NFIL3: variants seen among roughly 807,000 people sequenced by gnomAD.
NFIL3 encodes nuclear factor interleukin-3-regulated protein.
NFIL3 carries 5 observed loss-of-function variants against 10.0 expected under a neutral mutation model. The observed-to-expected ratio is 0.50, with a 90% CI of 0.26 to 1.06. The LOEUF is 1.06. NFIL3 is among the 50% of genes least tolerant of loss of function. The pLI is 0.13. For synonymous variants in NFIL3, 202 were observed against 206.5 expected (o/e 0.98, Z 0.19); for missense variants, 436 against 547.6 (o/e 0.80, Z 2.03).
At chr9:91,422,415 C>T (rs920972921) in intron 1 of NFIL3, among the ~76,000 whole-genome samples, 3 of 151,948 alleles carry the variant, frequency 2.0e-5, no homozygotes, top group African/African-American at 7.3e-5. Flanking sequence ...GCAGCATGAG[C>T]AAACTCCATG....
the NFIL3 span, among the ~76,000 whole-genome samples, chr9:91,480,313 A>G: frequency 6.8e-4 from 103 of 152,132 alleles, no homozygotes; most frequent in Admixed American, 1.6e-3. Context: ...ATTAAGTTAT[A>G]CTCTAAATTA....
the NFIL3 span, among the ~76,000 whole-genome samples, chr9:91,458,346 T>C: frequency 6.6e-6 from 1 of 152,170 alleles, no homozygotes; most frequent in Non-Finnish European, 1.5e-5. Context: ...AGGTTATTTA[T>C]CTTCTTCAGT....
At chr9:91,442,898 C>CA in the NFIL3 span, among the ~76,000 whole-genome samples, 2 of 152,150 alleles carry the variant, frequency 1.3e-5, no homozygotes, top group African/African-American at 2.4e-5. Flanking sequence ...GGGCATGTTT[C>CA]AGCCCTGTTT....
In NFIL3 at chr9:91,410,703, T is replaced by C; in HGVS notation, c.32A>G (p.Lys11Arg). The C allele has an allele frequency of 1.9e-6, 3 of 1,601,740 alleles. No individual in the cohort carries two copies. The highest frequency in any genetic ancestry group is 2.6e-6 in the Non-Finnish European group (3 of 1,175,636). Residue 11 changes from lysine (K) to arginine (R), a missense_variant, in exon 2 of 2, where the codon AAG becomes AGG. Lys to Arg is a conservative substitution (Grantham distance 26). Around this residue, in one of 3 missense-constraint regions of NFIL3, gnomAD observed 76 missense variants for 73.0 expected, o/e 1.04. Transcript: ENST00000297689. The surrounding 1 kb of genome is among the most constrained non-coding windows in gnomAD (Gnocchi z 5.7). ...ACTGGCATCAAGAGACGCCTGCTCC[T>C]TTTTGACGGTCTGCATTTTTCTCAG... is the stretch of plus-strand genomic sequence containing the variant. Reference protein sequence around the residue: MQLRKMQTVKKEQASLDASSN... With the variant: MQLRKMQTVKREQASLDASSN...
At chr9:91,431,807 TC>T in the NFIL3 span, among the ~76,000 whole-genome samples, 1 of 152,138 alleles carries the variant, frequency 6.6e-6, no homozygotes, top group African/African-American at 2.4e-5. Flanking sequence ...CACAAGACTT[TC>T]CCCCTAATGC....
chr9:91,460,367 C>A, the NFIL3 span, among the ~76,000 whole-genome samples: 1 of 148,002 alleles, frequency 6.8e-6, no homozygotes, highest in African/African-American at 2.6e-5. Context: ...CTCCATCTCC[C>A]AGGTTCAAAT....
At chr9:91,467,165 C>CATATTATATATT in the NFIL3 span, among the ~76,000 whole-genome samples, 1 of 151,788 alleles carries the variant, frequency 6.6e-6, no homozygotes, top group Non-Finnish European at 1.5e-5. Context: ...TCTTTATACA[C>CATATTATATATT]ATATTATATA....
At chr9:91,412,326 T>TA (rs1833569475) in intron 1 of NFIL3, among the ~76,000 whole-genome samples, 2 of 152,140 alleles carry the variant, frequency 1.3e-5, no homozygotes, top group Non-Finnish European at 1.5e-5. Flanking sequence ...ATGAAATACT[T>TA]ACACTACAAA....
upstream of NFIL3, among the ~76,000 whole-genome samples, chr9:91,427,335 C>T (rs1833882450): frequency 6.6e-6 from 1 of 152,178 alleles, no homozygotes. Context: ...AGACGGGGGA[C>T]TCAGTGGCTA....
chr9:91,412,758 C>G (rs1283931757), intron 1 of NFIL3, among the ~76,000 whole-genome samples: 1 of 151,574 alleles, frequency 6.6e-6, no homozygotes, highest in African/African-American at 2.4e-5. Flanking sequence ...GCAGGAGAAT[C>G]GCTTGAACCC....
the NFIL3 span, among the ~76,000 whole-genome samples, chr9:91,439,059 T>C: frequency 0.48 from 73,541 of 152,056 alleles, 21,862 homozygotes; most frequent in African/African-American, 0.84. Flanking sequence ...GTGACAAATG[T>C]TATTGGGATT....
At chr9:91,480,324 T>C in the NFIL3 span, among the ~76,000 whole-genome samples, 7 of 152,176 alleles carry the variant, frequency 4.6e-5, no homozygotes, top group South Asian at 1.0e-3. Flanking sequence ...CTCTAAATTA[T>C]AGTAGTTAAA....
At position 91,409,919 on chromosome 9, in the gene NFIL3, C is replaced by T. The variant is rs778918695; in HGVS notation, c.816G>A (p.Pro272=). 46 of 1,613,744 alleles carry T rather than the reference C, an allele frequency of 2.9e-5. No individual in the cohort carries two copies. The highest frequency in any genetic ancestry group is 3.8e-5 in the Non-Finnish European group (45 of 1,180,002). ...LQVNRSSSNS[P]RTSETDDGVV... The stretch of plus-strand genomic sequence containing the variant: ...CACCATCATCAGTTTCCGACGTTCT[C>T]GGGGAGTTGCTGGAGGATCGGTTGA... The change falls in exon 2 of 2, where the codon CCG becomes CCA. Residue 272 remains proline (P), a synonymous_variant. Transcript: ENST00000297689.
At position 91,410,420 on chromosome 9, in the gene NFIL3, T is replaced by G; in HGVS notation, c.315A>C (p.Leu105=). Residue 105 remains leucine (L), a synonymous_variant, in exon 2 of 2, where the codon CTA becomes CTC. Transcript: ENST00000297689. The surrounding 1 kb of genome is among the most constrained non-coding windows in gnomAD (Gnocchi z 5.7). ...RLNDLVLENK[L]IALGEENATL... is the part of the protein sequence containing the mutation. ...TGGCGTTTTCTTCTCCCAGTGCAATTAGTTTGTTCTCTAAAACCAGGTCAT... is the reference window on the plus strand; with the variant it reads ...TGGCGTTTTCTTCTCCCAGTGCAATGAGTTTGTTCTCTAAAACCAGGTCAT... 6.2e-7 allele frequency: 1 copy of G among 1,613,792 alleles called. No individual in the cohort carries two copies. The highest frequency in any genetic ancestry group is 8.5e-7 in the Non-Finnish European group (1 of 1,179,948).
intron 1 of NFIL3, among the ~76,000 whole-genome samples, chr9:91,417,733 C>T (rs1192950829): frequency 6.6e-6 from 1 of 152,182 alleles, no homozygotes; most frequent in Non-Finnish European, 1.5e-5. Context: ...AAGGGCCATT[C>T]TGTCCCCAAG....
chr9:91,416,946 T>C (rs958374732), intron 1 of NFIL3, among the ~76,000 whole-genome samples: 1 of 152,202 alleles, frequency 6.6e-6, no homozygotes, highest in African/African-American at 2.4e-5. Context: ...GTTATGTTTA[T>C]GATAGACCTT....
At chr9:91,426,598 G>A (rs550282813), upstream of NFIL3, among the ~76,000 whole-genome samples, 8 of 152,116 alleles carry the variant, frequency 5.3e-5, no homozygotes, top group African/African-American at 1.9e-4. Context: ...TGAGGGCAGG[G>A]GCAAGGGAGG....
At chr9:91,470,418 C>CCCTTTTCTTCTT in the NFIL3 span, among the ~76,000 whole-genome samples, 1 of 119,666 alleles carries the variant, frequency 8.4e-6, no homozygotes, top group Non-Finnish European at 1.7e-5. Flanking sequence ...TGATTCTTCT[C>CCCTTTTCTTCTT]TATTAGTCTT....
chr9:91,434,462 A>G, the NFIL3 span, among the ~76,000 whole-genome samples: 4 of 152,222 alleles, frequency 2.6e-5, no homozygotes, highest in Admixed American at 1.3e-4. Flanking sequence ...ATATTCCCGT[A>G]ATATTAAAGA....
Sources: allele counts gnomAD v4.1 joint callset (sites outside exome capture counted in the v4.1 genomes callset), GRCh38; gene constraint gnomAD v4.1.1; regional missense constraint gnomAD v4.1.1; non-coding constraint Gnocchi (gnomAD v3.1); transcripts MANE v1.5; gene names NCBI Gene and HGNC (gene_info 2026-07-23, HGNC 2026-07-21).